Variants in ZFHX3 observed in about 807,000 individuals in gnomAD.
The protein encoded by ZFHX3 is zinc finger homeobox 3.
Under a neutral mutation model 279.1 loss-of-function variants are expected in ZFHX3, and 42 were observed. The observed-to-expected ratio is 0.15, with a 90% confidence interval of 0.12 to 0.19. ZFHX3 has a LOEUF of 0.19. Ranked by LOEUF, ZFHX3 falls within the 10% of genes least tolerant of loss-of-function variation. The probability of loss-of-function intolerance (pLI) is 1.00; values close to 1 mark genes in which losing one functional copy is unlikely to be tolerated. For synonymous variants in ZFHX3, 2,293 were observed against 1,957.8 expected, an observed-to-expected ratio of 1.17 and a Z score of -4.52; for missense variants, 4,981 against 4,754.0, an observed-to-expected ratio of 1.05 and a Z score of -1.40.
chr16:72,953,080 C>A (rs1360160009), intron 2 of ZFHX3, among the ~76,000 whole-genome samples: 2 of 152,014 alleles, frequency 1.3e-5, no homozygotes, highest in Admixed American at 1.3e-4. Flanking sequence ...ACACAAGTCA[C>A]CTCGAGTGAT....
At chr16:73,107,477 C>A (rs1287165588) in intron 7 of ZFHX3, among the ~76,000 whole-genome samples, 1 of 152,196 alleles carries the variant, frequency 6.6e-6, no homozygotes, top group African/African-American at 2.4e-5. Context: ...TCTTCTCAAC[C>A]GACAAATGTT....
At chr16:73,164,008 C>G (rs2144858947) in intron 5 of ZFHX3, among the ~76,000 whole-genome samples, 1 of 152,224 alleles carries the variant, frequency 6.6e-6, no homozygotes, top group African/African-American at 2.4e-5. Context: ...GGTTAAAAGC[C>G]TGGCTGTAGG....
At chr16:73,481,522 C>T (rs888193126) in intron 2 of ZFHX3, among the ~76,000 whole-genome samples, 1 of 142,502 alleles carries the variant, frequency 7.0e-6, no homozygotes, top group African/African-American at 2.7e-5. Flanking sequence ...CAGCCTCAAA[C>T]TCTTGGTCTC....
intron 4 of ZFHX3, among the ~76,000 whole-genome samples, chr16:72,877,957 G>A (rs188021527): frequency 2.6e-5 from 4 of 152,318 alleles, no homozygotes; most frequent in African/African-American, 7.2e-5. Flanking sequence ...AACTTTGGGA[G>A]GCTGAGGCAG....
At chr16:73,851,597 T>C (rs1007977206) in intron 1 of ZFHX3, among the ~76,000 whole-genome samples, 5 of 152,198 alleles carry the variant, frequency 3.3e-5, no homozygotes, top group Admixed American at 1.3e-4. Flanking sequence ...TTGGTACATA[T>C]AAAATCTTCA....
intron 1 of ZFHX3, among the ~76,000 whole-genome samples, chr16:72,966,243 G>A (rs1353064360): frequency 1.3e-5 from 2 of 152,118 alleles, no homozygotes; most frequent in African/African-American, 4.8e-5. Context: ...AATGCTCAAC[G>A]GTGGAATCAA....
intron 1 of ZFHX3, among the ~76,000 whole-genome samples, chr16:73,860,345 C>T (rs1275450908): frequency 2.0e-5 from 3 of 151,930 alleles, no homozygotes; most frequent in Non-Finnish European, 4.4e-5. Context: ...ACTTTTCAAA[C>T]TCTTCCATTT....
At chr16:73,747,392 A>C (rs2053713975) in intron 1 of ZFHX3, among the ~76,000 whole-genome samples, 1 of 152,130 alleles carries the variant, frequency 6.6e-6, no homozygotes, top group Admixed American at 6.5e-5. Flanking sequence ...CCAAAAAAGA[A>C]AAGAAAAAAT....
At chr16:73,541,935 A>G (rs932214122) in intron 2 of ZFHX3, among the ~76,000 whole-genome samples, 3 of 151,074 alleles carry the variant, frequency 2.0e-5, no homozygotes, top group African/African-American at 7.3e-5. Context: ...CTGAGTAGCT[A>G]GGACTATAGG....
At chr16:73,029,328 G>A (rs1964615832) in intron 1 of ZFHX3, among the ~76,000 whole-genome samples, 1 of 152,188 alleles carries the variant, frequency 6.6e-6, no homozygotes, top group African/African-American at 2.4e-5. Context: ...GACAGGTAAG[G>A]AGAGTGAAAA....
intron 3 of ZFHX3, among the ~76,000 whole-genome samples, chr16:73,379,864 G>A (rs1210250657): frequency 6.6e-6 from 1 of 152,162 alleles, no homozygotes; most frequent in Non-Finnish European, 1.5e-5. Context: ...TCTGTGCAAT[G>A]CTTACTTCTG....
chr16:73,700,963 G>A (rs1292979829), intron 1 of ZFHX3, among the ~76,000 whole-genome samples: 2 of 152,252 alleles, frequency 1.3e-5, no homozygotes, highest in East Asian at 1.9e-4. Context: ...GCTTGTGAAA[G>A]GTCTTTTTTT....
intron 3 of ZFHX3, among the ~76,000 whole-genome samples, chr16:73,429,106 C>T (rs772408342): frequency 6.6e-5 from 10 of 152,142 alleles, no homozygotes; most frequent in Non-Finnish European, 1.2e-4. Context: ...GCAGGGCCCT[C>T]CTTCCTTTTT....
intron 1 of ZFHX3, among the ~76,000 whole-genome samples, chr16:73,793,560 G>A (rs1959898480): frequency 6.6e-6 from 1 of 152,208 alleles, no homozygotes; most frequent in Non-Finnish European, 1.5e-5. Context: ...TAGCTGTGCT[G>A]TATCTAGTTC....
intron 4 of ZFHX3, among the ~76,000 whole-genome samples, chr16:73,275,884 T>C (rs1024859752): frequency 5.3e-5 from 8 of 152,138 alleles, no homozygotes; most frequent in Non-Finnish European, 1.2e-4. Flanking sequence ...TCCTGGTATA[T>C]ATTTTTGCTT....
chr16:73,090,952 C>T (rs985000359), intron 8 of ZFHX3, among the ~76,000 whole-genome samples: 3 of 142,736 alleles, frequency 2.1e-5, no homozygotes, highest in Non-Finnish European at 4.5e-5. Flanking sequence ...TGGCTCATAC[C>T]TGTAATCCCA....
At chr16:73,365,718 C>A (rs1033495639) in intron 3 of ZFHX3, among the ~76,000 whole-genome samples, 4 of 152,156 alleles carry the variant, frequency 2.6e-5, no homozygotes, top group Admixed American at 1.3e-4. Context: ...GCCCTCTGGC[C>A]CCCAGCTCAC....
intron 1 of ZFHX3, among the ~76,000 whole-genome samples, chr16:73,718,211 G>T (rs1410021073): frequency 2.6e-5 from 4 of 152,122 alleles, no homozygotes; most frequent in Non-Finnish European, 4.4e-5. Flanking sequence ...AGGAACTCGC[G>T]ACAAGCCTGG....
In ZFHX3 at chr16:72,887,613, G is replaced by A. The variant is rs756561660; in HGVS notation, c.3448+2118C>T. On this transcript the variant is annotated intron_variant, in intron 4 of 9. Coordinates refer to ENST00000268489, the MANE Select transcript of ZFHX3 (RefSeq NM_006885.4). ...GTATTTGTGGGTAGAGTGAGGGTGC[G>A]TGTGGGATGCATGTCAGTGTGTGTG... Among the ~76,000 whole-genome samples, 36 of 150,546 alleles carry A rather than the reference G, an allele frequency of 2.4e-4. 1 individual carries two copies. The highest frequency in any genetic ancestry group is 1.6e-3 in the Admixed American group (24 of 15,060).
Sources: gnomAD v4.1 joint callset for allele counts (sites outside exome capture counted in the v4.1 genomes callset) on GRCh38, gnomAD v4.1.1 for gene constraint, MANE v1.5 for transcripts, NCBI Gene and HGNC (gene_info 2026-07-23, HGNC 2026-07-21) for gene names.